The following TGFBR3 variants were observed in gnomAD, a reference collection of about 807,000 sequenced individuals.
The protein encoded by TGFBR3 is transforming growth factor beta receptor 3.
In TGFBR3, 46 loss-of-function variants were observed where a neutral mutation model predicts 87.9. The observed-to-expected ratio is 0.52, with a 90% CI of 0.41 to 0.67. TGFBR3 has a LOEUF of 0.67. Ranked by LOEUF, TGFBR3 falls within the 30% of genes least tolerant of loss-of-function variation. The probability of loss-of-function intolerance (pLI) is 0.00; values close to 1 mark genes in which losing one functional copy is unlikely to be tolerated. For synonymous variants in TGFBR3, 381 were observed against 391.6 expected (o/e 0.97, Z 0.32); for missense variants, 866 against 1,041.9 (o/e 0.83, Z 2.32).
intron 9 of TGFBR3, 130 bp downstream of exon 9, chr1:91,719,763 C>A (rs935917707): frequency 1.9e-5 from 20 of 1,072,950 alleles, no homozygotes; most frequent in Non-Finnish European, 2.8e-5. Context: ...TAGGCCCATC[C>A]AACTGAGAAA....
chr1:91,806,564 C>T (rs1249644930), intron 2 of TGFBR3, among the ~76,000 whole-genome samples: 1 of 152,088 alleles, frequency 6.6e-6, no homozygotes, highest in Non-Finnish European at 1.5e-5. Context: ...CCAATGCATA[C>T]CAAGTTGACA....
In TGFBR3 at chr1:91,886,060, G is replaced by T; in HGVS notation, c.-296C>A. 1 of 454,070 alleles carries T rather than the reference G, an allele frequency of 2.2e-6. No homozygotes were observed. Among genetic ancestry groups the T allele is most frequent in the Non-Finnish European group, 4.4e-6 (1 of 226,770 alleles). 28.1% of individuals were successfully genotyped at this position (454,070 alleles called of 1,614,324 possible). A position where few individuals can be genotyped will look rare whatever the true frequency, so the allele number is the denominator to read the frequency against. On this transcript the variant is annotated 5_prime_UTR_variant, in exon 1 of 17. Transcript: ENST00000212355. ...GCAGGGAGCTCCGGGAATCGCGCAG[G>T]GAAAGTGGCCGGGGCGCGAGAGCCG...
chr1:91,726,017 T>C (rs959913569), intron 7 of TGFBR3, among the ~76,000 whole-genome samples: 5 of 152,196 alleles, frequency 3.3e-5, no homozygotes, highest in African/African-American at 1.2e-4. Flanking sequence ...AAACATTACC[T>C]AATTGTTTAG....
At chr1:91,871,548 C>T (rs1054297153) in intron 1 of TGFBR3, among the ~76,000 whole-genome samples, 2 of 151,928 alleles carry the variant, frequency 1.3e-5, no homozygotes, top group African/African-American at 4.8e-5. Context: ...GAAAATAAAG[C>T]AGGTTAAGGA....
At chr1:91,794,741 G>T (rs1382636565) in intron 3 of TGFBR3, among the ~76,000 whole-genome samples, 2 of 152,116 alleles carry the variant, frequency 1.3e-5, no homozygotes, top group South Asian at 2.1e-4. Context: ...TTACTGCTCA[G>T]TAACACTCCA....
chr1:91,812,077 T>C (rs1571535391), intron 2 of TGFBR3, among the ~76,000 whole-genome samples: 1 of 152,186 alleles, frequency 6.6e-6, no homozygotes, highest in African/African-American at 2.4e-5. Context: ...CTTTCTCCCA[T>C]GGAGACAGCT....
chr1:91,818,372 G>A (rs1676323192), intron 2 of TGFBR3, among the ~76,000 whole-genome samples: 1 of 142,532 alleles, frequency 7.0e-6, no homozygotes, highest in African/African-American at 2.6e-5. Flanking sequence ...ACAAAGAAAA[G>A]CTGACTCTGC....
intron 16 of TGFBR3, among the ~76,000 whole-genome samples, chr1:91,686,776 G>A (rs1671102550): frequency 6.6e-6 from 1 of 152,172 alleles, no homozygotes; most frequent in Non-Finnish European, 1.5e-5. Context: ...ATTTCGTGGA[G>A]CACCAACTTT....
At chr1:91,821,106 G>C in intron 2 of TGFBR3, among the ~76,000 whole-genome samples, 1 of 152,096 alleles carries the variant, frequency 6.6e-6, no homozygotes, top group East Asian at 1.9e-4. Flanking sequence ...GAGGCAGGCA[G>C]ATCACCCAAG....
intron 1 of TGFBR3, among the ~76,000 whole-genome samples, chr1:91,879,563 G>A (rs11165720): frequency 0.064 from 9,778 of 152,142 alleles, 461 homozygotes; most frequent in Middle Eastern, 0.12. Flanking sequence ...TTCATCTTTG[G>A]CCTGAAAAAC....
chr1:91,730,523 G>A (rs1040596347), intron 5 of TGFBR3, among the ~76,000 whole-genome samples: 1 of 152,096 alleles, frequency 6.6e-6, no homozygotes, highest in Non-Finnish European at 1.5e-5. Context: ...TTTCTGAGCA[G>A]TTGACTTATA....
intron 2 of TGFBR3, among the ~76,000 whole-genome samples, chr1:91,806,475 C>CG (rs66734136): frequency 0.12 from 17,499 of 151,352 alleles, 1,257 homozygotes; most frequent in East Asian, 0.37. Flanking sequence ...AAAATACTGG[C>CG]GGGGGGGGTA....
intron 14 of TGFBR3, among the ~76,000 whole-genome samples, chr1:91,701,208 A>G (rs1671608475): frequency 6.6e-6 from 1 of 152,050 alleles, no homozygotes; most frequent in Non-Finnish European, 1.5e-5. Context: ...CTAAACAGAA[A>G]CAGTTGTTGT....
intron 1 of TGFBR3, among the ~76,000 whole-genome samples, chr1:91,903,113 G>T (rs1679768012): frequency 6.6e-6 from 1 of 151,200 alleles, no homozygotes; most frequent in African/African-American, 2.4e-5. Context: ...GGTGGGGGTG[G>T]TGATCACCTG....
intron 16 of TGFBR3, among the ~76,000 whole-genome samples, chr1:91,688,318 T>C (rs1268434681): frequency 6.6e-6 from 1 of 151,982 alleles, no homozygotes; most frequent in African/African-American, 2.4e-5. Flanking sequence ...TGATAATAAC[T>C]AAGAAGAAGA....
At chr1:91,774,114 C>T (rs760428320) in intron 3 of TGFBR3, among the ~76,000 whole-genome samples, 2 of 151,762 alleles carry the variant, frequency 1.3e-5, no homozygotes, top group African/African-American at 2.4e-5. Flanking sequence ...AGTTAATATA[C>T]TTGGTCTTGC....
At chr1:91,744,786 AG>A (rs1673281133) in intron 4 of TGFBR3, among the ~76,000 whole-genome samples, 1 of 152,202 alleles carries the variant, frequency 6.6e-6, no homozygotes, top group African/African-American at 2.4e-5. Flanking sequence ...ATCTTTATAA[AG>A]CTCGAATGAG....
At chr1:91,889,904 C>G (rs145842023), upstream of TGFBR3, among the ~76,000 whole-genome samples, 1,473 of 152,252 alleles carry the variant, frequency 9.7e-3, 25 homozygotes, top group African/African-American at 0.033. Flanking sequence ...TCAAGTGATC[C>G]ACCCACCTTG....
chr1:91,682,894 A>G lies in TGFBR3; in HGVS notation c.*845T>C, dbSNP rs1363501966. The G allele has an allele frequency of 4.4e-6, 2 of 453,250 alleles. No individual in the cohort carries two copies. Among genetic ancestry groups the G allele is most frequent in the East Asian group, 6.9e-5 (1 of 14,396 alleles). 28.1% of individuals were successfully genotyped at this position (453,250 alleles called of 1,614,324 possible). A position where few individuals can be genotyped will look rare whatever the true frequency, so the allele number is the denominator to read the frequency against. On this transcript the variant is annotated 3_prime_UTR_variant, in exon 17 of 17. Coordinates refer to ENST00000212355, the MANE Select transcript of TGFBR3 (RefSeq NM_003243.5). ...ACTGTGCAAATTCGTCCTTGACTTT[A>G]TAACTGAATTTCACCTCAAATTATA...
Sources: gnomAD v4.1 joint callset for allele counts (sites outside exome capture counted in the v4.1 genomes callset) on GRCh38, gnomAD v4.1.1 for gene constraint, MANE v1.5 for transcripts, NCBI Gene and HGNC (gene_info 2026-07-23, HGNC 2026-07-21) for gene names.